The following OPRM1 variants were observed in gnomAD, a reference collection of about 807,000 sequenced individuals.
OPRM1 encodes opioid receptor mu 1.
Under a neutral mutation model 31.8 loss-of-function variants are expected in OPRM1, and 27 were observed. That is an observed-to-expected ratio of 0.85 (90% CI 0.63 to 1.17). OPRM1 has a LOEUF of 1.17. OPRM1 is among the 50% of genes most tolerant of loss of function. The probability of loss-of-function intolerance (pLI) is 0.00; values close to 1 mark genes in which losing one functional copy is unlikely to be tolerated. For missense variants in OPRM1, 536 were observed against 511.1 expected, an observed-to-expected ratio of 1.05 and a Z score of -0.47; for synonymous variants, 196 against 189.9, an observed-to-expected ratio of 1.03 and a Z score of -0.26.
chr6:154,136,166 A>G (rs1433758390), downstream of OPRM1, among the ~76,000 whole-genome samples: 1 of 152,144 alleles, frequency 6.6e-6, no homozygotes, highest in African/African-American at 2.4e-5. Context: ...TGGCCATCAT[A>G]AAGGCAAAAG....
chr6:154,242,086 T>C (rs1007750939), intron 3 of OPRM1, among the ~76,000 whole-genome samples: 5 of 152,236 alleles, frequency 3.3e-5, no homozygotes, highest in Non-Finnish European at 5.9e-5. Context: ...TGCTCGGCTA[T>C]TATGAGAATT....
downstream of OPRM1, among the ~76,000 whole-genome samples, chr6:154,132,928 TG>T (rs1797962323): frequency 6.6e-6 from 1 of 152,124 alleles, no homozygotes; most frequent in South Asian, 2.1e-4. Flanking sequence ...GAGACCATCC[TG>T]GCTAACACGG....
rs9479795 is a variant in OPRM1, at chr6:154,238,684, A to G, written c.1165-8009A>G. Among the ~76,000 whole-genome samples, 928 of 152,104 alleles carry G rather than the reference A, an allele frequency of 6.1e-3. 4 individuals carry two copies. Among genetic ancestry groups the G allele is most frequent in the South Asian group, 0.011 (51 of 4,818 alleles). On this transcript the variant is annotated intron_variant, in intron 3 of 3. Transcript: ENST00000337049. ...TTTTCCTATGAGCACATACTACTGT[A>G]TAACCTTTTTTATAATTTTTATTTT...
chr6:154,096,520 A>C (rs944365938), intron 3 of OPRM1, among the ~76,000 whole-genome samples: 1 of 152,054 alleles, frequency 6.6e-6, no homozygotes, highest in Non-Finnish European at 1.5e-5. Flanking sequence ...AATGGCAAAA[A>C]CCGCAATTAT....
chr6:154,091,685 C>T, intron 3 of OPRM1: 1 of 1,314,798 alleles, frequency 7.6e-7, no homozygotes, highest in East Asian at 2.8e-5. Flanking sequence ...AAAGATACAC[C>T]AATGAGAAAT....
Position 154,011,857 on chromosome 6 carries a change from C to T in OPRM1, c.-1+839C>T, listed in dbSNP as rs114578621. On this transcript the variant is annotated intron_variant, in intron 1 of 5. Transcript: ENST00000434900. Reference sequence around the variant, plus strand: ...ATGTTTGCAGGGAACTTGGATTTAACATTATGAAAAAAGATTCATTCAGAA... The same window carrying T: ...ATGTTTGCAGGGAACTTGGATTTAATATTATGAAAAAAGATTCATTCAGAA... Among the ~76,000 whole-genome samples the T allele has an allele frequency of 7.1e-3, 1,080 of 152,130 alleles. 12 individuals are homozygous for T. Among genetic ancestry groups the T allele is most frequent in the African/African-American group, 0.025 (1,042 of 41,530 alleles).
In OPRM1 at chr6:154,089,868, C is replaced by A; in HGVS notation, c.333C>A (p.Asn111Lys). 6.2e-7 allele frequency: 1 copy of A among 1,613,954 alleles called. No individual in the cohort carries two copies. The highest frequency in any genetic ancestry group is 2.2e-5 in the East Asian group (1 of 44,884). The change falls in exon 2 of 4, where the codon AAC becomes AAA. Residue 111 changes from asparagine to lysine, a missense_variant. Asn to Lys is a moderately conservative substitution (Grantham distance 94, BLOSUM62 0). Transcript: ENST00000330432. ...MKTATNIYIFNLALADALATS... is the reference protein window; with the variant it reads ...MKTATNIYIFKLALADALATS... ...CTGCCACCAACATCTACATTTTCAACCTTGCTCTGGCAGATGCCTTAGCCA... is the reference window on the plus strand; with the variant it reads ...CTGCCACCAACATCTACATTTTCAAACTTGCTCTGGCAGATGCCTTAGCCA...
intron 3 of OPRM1, among the ~76,000 whole-genome samples, chr6:154,143,092 A>T (rs922233453): frequency 8.6e-5 from 13 of 151,780 alleles, no homozygotes; most frequent in African/African-American, 1.5e-4. Flanking sequence ...TATATATATA[A>T]AAAAAGGTCA....
intron 1 of OPRM1, among the ~76,000 whole-genome samples, chr6:154,026,752 C>A (rs1778718870): frequency 6.6e-6 from 1 of 152,124 alleles, no homozygotes; most frequent in African/African-American, 2.4e-5. Flanking sequence ...ATGTATTCTT[C>A]AGTATGTCAG....
chr6:154,140,923 G>GTAGAGGCCAGCACTAGATGCTC (rs1282480122), intron 3 of OPRM1, among the ~76,000 whole-genome samples: 4 of 152,220 alleles, frequency 2.6e-5, no homozygotes, highest in Non-Finnish European at 5.9e-5. Context: ...ACTAGATGCT[G>GTAGAGGCCAGCACTAGATGCTC]TAGAAGCCAG....
rs1799572034 is a variant in OPRM1, at chr6:154,168,015, T to C, written c.1164+76543T>C. On this transcript the variant is annotated intron_variant, in intron 3 of 3. Coordinates refer to the OPRM1 transcript ENST00000337049. This position sits in a 1 kb window ranked among gnomAD's most constrained non-coding sequence, Gnocchi z 4.1. The stretch of plus-strand genomic sequence containing the variant: ...ACAAAGGATTTTCTCAACTCCTTTT[T>C]AGTCGAAGGTCGTCGGTCCCCAAGA... 1.2e-6 allele frequency: 2 copies of C among 1,612,342 alleles called. No individual in the cohort carries two copies. Among genetic ancestry groups the C allele is most frequent in the Non-Finnish European group, 1.7e-6 (2 of 1,178,584 alleles).
intron 3 of OPRM1, among the ~76,000 whole-genome samples, chr6:154,230,906 A>G (rs1025774459): frequency 1.3e-5 from 2 of 152,244 alleles, no homozygotes; most frequent in African/African-American, 4.8e-5. Context: ...TCTTTGTAAT[A>G]TACTTTTGTG....
intron 3 of OPRM1, chr6:154,107,442 A>G (rs1795741924): frequency 1.4e-6 from 1 of 718,262 alleles, no homozygotes; most frequent in African/African-American, 1.7e-5. Context: ...CAGATATTAA[A>G]CCAGAAGTGA....
chr6:154,180,613 G>A (rs1023184365), intron 3 of OPRM1, among the ~76,000 whole-genome samples: 12 of 151,962 alleles, frequency 7.9e-5, no homozygotes, highest in African/African-American at 2.9e-4. Context: ...GAATTTGGCT[G>A]TCGAGAACAC....
rs142432762 is a variant in OPRM1 at position 154,095,024 on chromosome 6, G to A, written c.1164+3552G>A. Among the ~76,000 whole-genome samples, 867 of 152,352 alleles carry A rather than the reference G, an allele frequency of 5.7e-3. 4 individuals carry two copies. The highest frequency in any genetic ancestry group is 0.02 in the African/African-American group (828 of 41,584). On this transcript the variant is annotated intron_variant, in intron 3 of 3. Coordinates refer to ENST00000330432, the MANE Select transcript of OPRM1 (RefSeq NM_000914.5). The stretch of plus-strand genomic sequence containing the variant: ...AAAGTACTTCTGGCCAGGCACAGTA[G>A]CTCATGCCTGTAATCCCAGCACTTT...
At chr6:154,156,145 AGAAAG>A (rs1223380288) in intron 3 of OPRM1, 8 of 152,298 alleles carry the variant, frequency 5.3e-5, no homozygotes, top group Admixed American at 5.2e-4. Context: ...CAGAAAGAAA[AGAAAG>A]GAAACACAGC....
chr6:154,212,144 C>G (rs1778013031), intron 3 of OPRM1, among the ~76,000 whole-genome samples: 1 of 152,146 alleles, frequency 6.6e-6, no homozygotes, highest in African/African-American at 2.4e-5. Flanking sequence ...TTGTATGACC[C>G]TTCCTCGGGG....
intron 3 of OPRM1, among the ~76,000 whole-genome samples, chr6:154,232,113 C>T (rs1779770254): frequency 6.6e-6 from 1 of 152,124 alleles, no homozygotes; most frequent in South Asian, 2.1e-4. Context: ...TCTCTCCATA[C>T]AATAGCGTCC....
At chr6:154,023,401 T>C (rs1778501526) in intron 1 of OPRM1, among the ~76,000 whole-genome samples, 1 of 152,224 alleles carries the variant, frequency 6.6e-6, no homozygotes, top group Admixed American at 6.5e-5. Flanking sequence ...ATGTTGATTT[T>C]GTATCATGAA....
Sources: allele counts gnomAD v4.1 joint callset (sites outside exome capture counted in the v4.1 genomes callset), GRCh38; gene constraint gnomAD v4.1.1; non-coding constraint Gnocchi (gnomAD v3.1); transcripts MANE v1.5; gene names NCBI Gene and HGNC (gene_info 2026-07-23, HGNC 2026-07-21).